Variants in EXOG observed in about 807,000 individuals in gnomAD.
EXOG encodes nuclease EXOG, mitochondrial.
EXOG carries 27 observed loss-of-function variants against 25.8 expected under a neutral mutation model. The ratio of observed to expected loss-of-function variants is 1.05; its 90% CI spans 0.77 to 1.45. The LOEUF is 1.45. Among genes scored for constraint, EXOG ranks in the 40% most tolerant of loss-of-function variants. The probability of loss-of-function intolerance (pLI) is 0.00; values close to 1 mark genes in which losing one functional copy is unlikely to be tolerated. For synonymous variants in EXOG, 133 were observed against 167.0 expected, an observed-to-expected ratio of 0.80 and a Z score of 1.57; for missense variants, 458 against 450.5, an observed-to-expected ratio of 1.02 and a Z score of -0.15.
chr3:38,523,793 A>G, intron 5 of EXOG, 108 bp from the exon 6 acceptor site: 2 of 687,898 alleles, frequency 2.9e-6, no homozygotes, highest in Non-Finnish European at 4.9e-6. Context: ...ACAGAGTGGG[A>G]TGGCTTATAA....
intron 5 of EXOG, among the ~76,000 whole-genome samples, chr3:38,508,163 A>T (rs2060260301): frequency 6.6e-6 from 1 of 152,120 alleles, no homozygotes; most frequent in Admixed American, 6.5e-5. Flanking sequence ...AAATAAAAAC[A>T]ACCAGATTAC....
intron 5 of EXOG, among the ~76,000 whole-genome samples, chr3:38,509,085 AG>A (rs982984821): frequency 6.6e-6 from 1 of 152,196 alleles, no homozygotes; most frequent in African/African-American, 2.4e-5. Context: ...TTATAGTCTT[AG>A]GAGAAAAAAA....
intron 1 of EXOG, 189 bp from the exon 2 acceptor site, chr3:38,497,440 G>A: frequency 1.5e-6 from 2 of 1,355,734 alleles, no homozygotes; most frequent in Non-Finnish European, 1.9e-6. Flanking sequence ...TTTGCCTACT[G>A]TCTGTTTTCT....
intron 5 of EXOG, among the ~76,000 whole-genome samples, chr3:38,518,806 T>G (rs769397592): frequency 5.3e-5 from 8 of 152,156 alleles, no homozygotes; most frequent in Non-Finnish European, 7.4e-5. Context: ...ACAAAAAAAG[T>G]AGTGACCATT....
At chr3:38,511,406 C>T (rs1482291599) in intron 5 of EXOG, among the ~76,000 whole-genome samples, 7 of 151,944 alleles carry the variant, frequency 4.6e-5, no homozygotes, top group African/African-American at 4.8e-5. Context: ...AAAGGAATAA[C>T]ATTAAAAGAA....
chr3:38,504,392 A>G (rs1300318096), intron 4 of EXOG, among the ~76,000 whole-genome samples: 1 of 152,148 alleles, frequency 6.6e-6, no homozygotes, highest in Non-Finnish European at 1.5e-5. Flanking sequence ...GAACTTAAAA[A>G]AAGTTGGGGT....
intron 1 of EXOG, chr3:38,497,180 C>A: frequency 9.9e-7 from 1 of 1,008,944 alleles, no homozygotes; most frequent in South Asian, 4.1e-5. Flanking sequence ...GAACTACCCC[C>A]TTGGGGGGTT....
chr3:38,523,796 G>A (rs1195769053), intron 5 of EXOG, 105 bp from the exon 6 acceptor site: 1 of 708,162 alleles, frequency 1.4e-6, no homozygotes, highest in Non-Finnish European at 2.4e-6. Context: ...GAGTGGGATG[G>A]CTTATAAGTA....
chr3:38,526,232 A>G lies in EXOG; in HGVS notation c.*1870A>G, dbSNP rs1260976884. ...GCTGTCTTTTCCGAGTGGTATTACA[A>G]GAAAGATTTTTGTGGTGTGTTTGTT... On this transcript the variant is annotated 3_prime_UTR_variant, in exon 6 of 6. Transcript: ENST00000287675. The G allele has an allele frequency of 4.1e-6, 4 of 985,158 alleles. No homozygotes were observed. Among genetic ancestry groups the G allele is most frequent in the Non-Finnish European group, 4.8e-6 (4 of 829,794 alleles). The allele number at this position is 985,158 out of a possible 1,614,324, so 61.0% of individuals were successfully genotyped here.
At chr3:38,504,730 G>A (rs1224896490) in intron 4 of EXOG, among the ~76,000 whole-genome samples, 5 of 152,074 alleles carry the variant, frequency 3.3e-5, no homozygotes, top group Admixed American at 6.5e-5. Flanking sequence ...CACCACGCAC[G>A]GCCACTATTA....
chr3:38,507,693 G>A lies in EXOG; in HGVS notation c.645+725G>A, dbSNP rs554499553. On this transcript the variant is annotated intron_variant, in intron 5 of 5. Coordinates refer to ENST00000287675, the MANE Select transcript of EXOG (RefSeq NM_005107.4). ...CGTGTAAAGAGATAGGTGGGAAAAGGGAGCATTTGAAGAAGAGATTAGAGG... is the reference window on the plus strand; with the variant it reads ...CGTGTAAAGAGATAGGTGGGAAAAGAGAGCATTTGAAGAAGAGATTAGAGG... Among the ~76,000 whole-genome samples the A allele has an allele frequency of 2.0e-5, 3 of 152,260 alleles. No individual in the cohort carries two copies. The East Asian group carries it at 5.8e-4, about 29-fold the overall frequency.
chr3:38,508,287 A>G (rs2125771697), intron 5 of EXOG, among the ~76,000 whole-genome samples: 1 of 152,328 alleles, frequency 6.6e-6, no homozygotes, highest in African/African-American at 2.4e-5. Context: ...GATTAAAGAT[A>G]GGAGAGTGTA....
chr3:38,512,540 T>G (rs2060403110), intron 5 of EXOG, among the ~76,000 whole-genome samples: 1 of 152,242 alleles, frequency 6.6e-6, no homozygotes, highest in Admixed American at 6.5e-5. Context: ...CACTGCACTA[T>G]ACTCTGCTAG....
intron 4 of EXOG, among the ~76,000 whole-genome samples, chr3:38,504,250 C>G (rs1359677604): frequency 6.6e-6 from 1 of 151,694 alleles, no homozygotes; most frequent in African/African-American, 2.4e-5. Flanking sequence ...GCCTGTATCC[C>G]AGCTACTCAG....
In EXOG at chr3:38,514,778, C is replaced by CTTT. The variant is rs10678824; in HGVS notation, c.645+7818_645+7820dup. ...TTCCACCCTCCCCCCCCTCCCCCTG[C>CTTT]TTTTTTTTTTGAGACGGAGTTTTAC... On this transcript the variant is annotated intron_variant, in intron 5 of 5. Coordinates refer to ENST00000287675, the MANE Select transcript of EXOG (RefSeq NM_005107.4). 4.6e-3 allele frequency among the ~76,000 whole-genome samples: 528 copies of CTTT among 113,568 alleles called. 5 individuals carry two copies. Among genetic ancestry groups the CTTT allele is most frequent in the African/African-American group, 0.014 (393 of 28,526 alleles). The allele number at this position is 113,568 out of a possible 152,430, so 74.5% of individuals were successfully genotyped here. A position where few individuals can be genotyped will look rare whatever the true frequency, so the allele number is the denominator to read the frequency against.
chr3:38,497,239 G>A lies in EXOG; in HGVS notation c.164-390G>A, dbSNP rs902751715. 9 of 1,019,638 alleles carry A rather than the reference G, an allele frequency of 8.8e-6. No individual in the cohort carries two copies. The African/African-American group carries it at 1.4e-4, about 16-fold the overall frequency. 63.2% of individuals were successfully genotyped at this position (1,019,638 alleles called of 1,614,324 possible). The stretch of plus-strand genomic sequence containing the variant: ...AGGATTATCTCGAAACTGACTCACT[G>A]CTGAATGTGTGCTTGGTTTCTCCCA... On this transcript the variant is annotated intron_variant, in intron 1 of 5. Coordinates refer to ENST00000287675, the MANE Select transcript of EXOG (RefSeq NM_005107.4).
intron 5 of EXOG, among the ~76,000 whole-genome samples, chr3:38,518,674 A>G (rs776166738): frequency 6.6e-6 from 1 of 152,216 alleles, no homozygotes; most frequent in Non-Finnish European, 1.5e-5. Context: ...AATGAAGCAT[A>G]TATGTGTTTT....
In EXOG at chr3:38,524,178, C is replaced by T. The variant is rs2060814492; in HGVS notation, c.923C>T (p.Thr308Ile). ...TCKLLDFQEF[T>I]LYLSTRKIEG... is the part of the protein sequence containing the mutation. ...AAGCTCCTGGATTTCCAGGAGTTCA[C>T]CTTGTACTTGAGTACAAGAAAGATT... is the stretch of plus-strand genomic sequence containing the variant. Residue 308 changes from threonine to isoleucine, a missense_variant, in exon 6 of 6, where the codon ACC becomes ATC. Around this residue, in one of 3 missense-constraint regions of EXOG, gnomAD observed 178 missense variants for 203.7 expected, o/e 0.87. Coordinates refer to ENST00000287675, the MANE Select transcript of EXOG (RefSeq NM_005107.4). The T allele has an allele frequency of 6.2e-7, 1 of 1,614,118 alleles. No homozygotes were observed. Among genetic ancestry groups the T allele is most frequent in the African/African-American group, 1.3e-5 (1 of 75,040 alleles).
At chr3:38,505,048 G>A (rs1293365991) in intron 4 of EXOG, among the ~76,000 whole-genome samples, 1 of 152,144 alleles carries the variant, frequency 6.6e-6, no homozygotes, top group Admixed American at 6.5e-5. Context: ...CATATATTTA[G>A]AAGATAAGGA....
Sources: gnomAD v4.1 joint callset for allele counts (sites outside exome capture counted in the v4.1 genomes callset) on GRCh38, gnomAD v4.1.1 for gene constraint, gnomAD v4.1.1 regional missense constraint, MANE v1.5 for transcripts, NCBI Gene and HGNC (gene_info 2026-07-23, HGNC 2026-07-21) for gene names.